Variants in AKR1C8 observed in about 807,000 individuals in gnomAD.
The protein encoded by AKR1C8 is aldo-keto reductase family 1 member C8.
the AKR1C8 span, among the ~76,000 whole-genome samples, chr10:5,168,551 T>C: frequency 6.6e-6 from 1 of 152,116 alleles, no homozygotes; most frequent in South Asian, 2.1e-4. Context: ...ATGACCCTGA[T>C]AGATACATGA....
At chr10:5,141,568 G>A in the AKR1C8 span, among the ~76,000 whole-genome samples, 2 of 152,114 alleles carry the variant, frequency 1.3e-5, no homozygotes, top group Non-Finnish European at 1.5e-5. Context: ...TGAACAATAA[G>A]ACTTGAAAGT....
the AKR1C8 span, among the ~76,000 whole-genome samples, chr10:5,141,076 A>T: frequency 6.6e-6 from 1 of 152,188 alleles, no homozygotes; most frequent in East Asian, 1.9e-4. Flanking sequence ...TCTGTAACCC[A>T]GCCACTGCTT....
the AKR1C8 span, among the ~76,000 whole-genome samples, chr10:5,146,859 A>G: frequency 6.6e-6 from 1 of 152,186 alleles, no homozygotes; most frequent in African/African-American, 2.4e-5. Flanking sequence ...TTTGTCACTA[A>G]TGGTATGTCT....
chr10:5,182,828 T>G, the AKR1C8 span, among the ~76,000 whole-genome samples: 1 of 151,758 alleles, frequency 6.6e-6, no homozygotes, highest in African/African-American at 2.4e-5. Context: ...GAGAACTGCT[T>G]GAACCCAGGA....
At chr10:5,181,245 TTATC>T in the AKR1C8 span, among the ~76,000 whole-genome samples, 1 of 152,222 alleles carries the variant, frequency 6.6e-6, no homozygotes, top group Non-Finnish European at 1.5e-5. Flanking sequence ...TTAAATAGAA[TTATC>T]TATAAAGTTT....
the AKR1C8 span, among the ~76,000 whole-genome samples, chr10:5,139,898 C>T: frequency 6.6e-6 from 1 of 152,116 alleles, no homozygotes; most frequent in South Asian, 2.1e-4. Context: ...ACCTACCCAT[C>T]TGACAAAGGG....
chr10:5,135,052 A>G, the AKR1C8 span: 1 of 165,396 alleles, frequency 6.0e-6, no homozygotes, highest in Non-Finnish European at 1.3e-5. Flanking sequence ...CACGCAGAGT[A>G]ACACAGGAAC....
chr10:5,139,262 A>G, the AKR1C8 span, among the ~76,000 whole-genome samples: 2 of 152,218 alleles, frequency 1.3e-5, no homozygotes, highest in East Asian at 1.9e-4. Context: ...TCCCCATCAA[A>G]CTACCAATGA....
At chr10:5,117,609 A>C in the AKR1C8 span, among the ~76,000 whole-genome samples, 1 of 152,128 alleles carries the variant, frequency 6.6e-6, no homozygotes, top group East Asian at 1.9e-4. Context: ...CTGAGAATTT[A>C]TAAAGAAGAG....
chr10:5,123,504 A>G, the AKR1C8 span: 29 of 532,114 alleles, frequency 5.4e-5, no homozygotes, highest in Non-Finnish European at 9.8e-5. Flanking sequence ...CGGCTCCCTA[A>G]ACAGACTAAG....
the AKR1C8 span, among the ~76,000 whole-genome samples, chr10:5,138,468 C>A: frequency 1.3e-5 from 2 of 152,046 alleles, no homozygotes; most frequent in Non-Finnish European, 2.9e-5. Flanking sequence ...CCCTAAAAAT[C>A]ACTGTTATTC....
At chr10:5,182,444 G>A in the AKR1C8 span, among the ~76,000 whole-genome samples, 3 of 151,914 alleles carry the variant, frequency 2.0e-5, no homozygotes, top group Non-Finnish European at 2.9e-5. Flanking sequence ...TTTCTAACAG[G>A]CTCAAGAACC....
chr10:5,132,782 T>G, the AKR1C8 span: 6 of 1,190,620 alleles, frequency 5.0e-6, no homozygotes, highest in African/African-American at 7.7e-5. Context: ...GGAGGAGTAA[T>G]GAAAAGTAGT....
At chr10:5,122,835 C>A in the AKR1C8 span, among the ~76,000 whole-genome samples, 4 of 151,836 alleles carry the variant, frequency 2.6e-5, no homozygotes, top group African/African-American at 9.7e-5. Context: ...TAGAAAGAGA[C>A]AAGCAAACTA....
At chr10:5,141,834 T>C in the AKR1C8 span, among the ~76,000 whole-genome samples, 1 of 152,140 alleles carries the variant, frequency 6.6e-6, no homozygotes, top group Non-Finnish European at 1.5e-5. Flanking sequence ...TTTCTATTTA[T>C]AGAGCATGGT....
the AKR1C8 span, among the ~76,000 whole-genome samples, chr10:5,159,510 C>T: frequency 6.6e-6 from 1 of 152,132 alleles, no homozygotes; most frequent in African/African-American, 2.4e-5. Flanking sequence ...TGTGGATCTT[C>T]CTACCTGTTC....
the AKR1C8 span, chr10:5,123,718 C>T: frequency 1.0e-4 from 166 of 1,610,620 alleles, no homozygotes; most frequent in African/African-American, 6.8e-4. Context: ...TACCATAGTT[C>T]ATGTCGTTGG....
At chr10:5,131,304 T>C in the AKR1C8 span, among the ~76,000 whole-genome samples, 2 of 151,516 alleles carry the variant, frequency 1.3e-5, no homozygotes, top group African/African-American at 4.9e-5. Flanking sequence ...CAAAAGCAAA[T>C]GCACAAAAAA....
At chr10:5,175,517 T>C in the AKR1C8 span, among the ~76,000 whole-genome samples, 2 of 152,160 alleles carry the variant, frequency 1.3e-5, no homozygotes, top group East Asian at 1.9e-4. Flanking sequence ...GGTCAAATGG[T>C]ATTTCTAGTT....
Sources: allele counts gnomAD v4.1 joint callset (sites outside exome capture counted in the v4.1 genomes callset), GRCh38; gene constraint gnomAD v4.1.1; transcripts MANE v1.5; gene names NCBI Gene and HGNC (gene_info 2026-07-23, HGNC 2026-07-21).